RECQL5: variants seen among roughly 807,000 people sequenced by gnomAD.
RECQL5 encodes RecQ like helicase 5, also known as ATP-dependent DNA helicase Q5.
RECQL5 carries 88 observed loss-of-function variants against 103.4 expected under a neutral mutation model. The observed-to-expected ratio is 0.85, with a 90% CI of 0.72 to 1.02. The LOEUF is 1.02. RECQL5 is among the 50% of genes least tolerant of loss of function. The pLI, the probability that RECQL5 is intolerant of heterozygous loss-of-function variation, is 0.00. For missense variants in RECQL5, 1,232 were observed against 1,284.3 expected (o/e 0.96, Z 0.62); for synonymous variants, 552 against 507.9 (o/e 1.09, Z -1.17).
chr17:75,640,838 C>T lies in RECQL5; in HGVS notation c.1230-9170G>A, dbSNP rs986035859. 2 of 1,549,594 alleles carry T rather than the reference C, an allele frequency of 1.3e-6. No individual in the cohort carries two copies. The highest frequency in any genetic ancestry group is 1.4e-5 in the African/African-American group (1 of 73,068). ...GATAGCCTGCAGCTGCTGCTGCACT[C>T]ACTGCTGCTGCCCTGAGCGGAGAGG... On this transcript the variant is annotated intron_variant, in intron 8 of 19. Coordinates refer to ENST00000317905, the MANE Select transcript of RECQL5 (RefSeq NM_004259.7). The surrounding 1 kb of genome is among the most constrained non-coding windows in gnomAD (Gnocchi z 4.6).
At chr17:75,645,068 T>G (rs932738310) in intron 8 of RECQL5, among the ~76,000 whole-genome samples, 2 of 152,192 alleles carry the variant, frequency 1.3e-5, no homozygotes, top group Non-Finnish European at 2.9e-5. Flanking sequence ...AGTGTGGGCT[T>G]GCCAACCACA....
In RECQL5 at chr17:75,630,844, G is replaced by GTA. The variant is rs752469432; in HGVS notation, c.1586-8_1586-7insTA. 1.1e-5 allele frequency: 12 copies of GTA among 1,140,082 alleles called. No individual in the cohort carries two copies. The highest frequency in any genetic ancestry group is 6.2e-5 in the African/African-American group (4 of 64,078). 70.6% of individuals were successfully genotyped at this position (1,140,082 alleles called of 1,614,324 possible). A position where few individuals can be genotyped will look rare whatever the true frequency, so the allele number is the denominator to read the frequency against. On this transcript the variant is annotated splice_region_variant and splice_polypyrimidine_tract_variant and intron_variant, in intron 11 of 19. Coordinates refer to ENST00000317905, the MANE Select transcript of RECQL5 (RefSeq NM_004259.7). Reference sequence around the variant, plus strand: ...TTCAGGGGACAGTTCTCATCTGTGGGGGGGGGGGGTGGTCCTTGGTCCTTT... The same window carrying GTA: ...TTCAGGGGACAGTTCTCATCTGTGGGTAGGGGGGGGGTGGTCCTTGGTCCTTT...
intron 17 of RECQL5, 68 bp downstream of exon 17, chr17:75,628,604 G>A (rs2059147976): frequency 6.6e-7 from 1 of 1,520,444 alleles, no homozygotes; most frequent in Non-Finnish European, 8.8e-7. Flanking sequence ...CCTTGAGCAG[G>A]GCACAACAGC....
intron 8 of RECQL5, among the ~76,000 whole-genome samples, chr17:75,644,844 A>AT (rs1411311975): frequency 6.6e-6 from 1 of 151,694 alleles, no homozygotes; most frequent in African/African-American, 2.4e-5. Context: ...AAAAAAAAAA[A>AT]ATTATCCAAT....
intron 8 of RECQL5, 172 bp downstream of exon 8, chr17:75,651,014 A>C (rs550707582): frequency 6.6e-7 from 1 of 1,521,890 alleles, no homozygotes; most frequent in East Asian, 2.3e-5. Flanking sequence ...CGGGGCCTCC[A>C]ATAGAGAAGA....
chr17:75,645,668 C>G (rs895577099), intron 8 of RECQL5, among the ~76,000 whole-genome samples: 1 of 152,210 alleles, frequency 6.6e-6, no homozygotes, highest in Non-Finnish European at 1.5e-5. Context: ...CAGTAAGTTT[C>G]ACACAAGGAA....
rs1568277649 is a variant in RECQL5, at chr17:75,651,273, CA to C, written c.1150-9del. 1.2e-6 allele frequency: 2 copies of C among 1,613,562 alleles called. No homozygotes were observed. Among genetic ancestry groups the C allele is most frequent in the South Asian group, 1.1e-5 (1 of 91,024 alleles). On this transcript the variant is annotated splice_polypyrimidine_tract_variant and intron_variant, in intron 7 of 19. Transcript: ENST00000317905. ...TTTGTTTCCTCTCTTTTCCTGGGGA[CA>C]AAAAATGACCACTTAGCAAGTCTTA...
intron 8 of RECQL5, among the ~76,000 whole-genome samples, chr17:75,642,262 C>T (rs1599022681): frequency 6.6e-6 from 1 of 152,224 alleles, no homozygotes; most frequent in Non-Finnish European, 1.5e-5. Context: ...GGTGCCTCCC[C>T]GGGGCTTCCC....
Position 75,651,187 on chromosome 17 carries a change from C to A in RECQL5, c.1228G>T (p.Gly410Trp), listed in dbSNP as rs1347849780. 6.2e-7 allele frequency: 1 copy of A among 1,614,146 alleles called. No individual in the cohort carries two copies. The highest frequency in any genetic ancestry group is 2.2e-5 in the East Asian group (1 of 44,886). Reference protein sequence around the residue: ...DALVTFCEELGCRHAAIAKYF... With the variant: ...DALVTFCEELWCRHAAIAKYF... ...CCACATATAAAATAAGTCACTTACC[C>A]CAGTTCTTCACAGAAGGTCACCAGG... The change falls in exon 8 of 20, where the codon GGG becomes TGG. Residue 410 changes from glycine (G) to tryptophan (W), a missense_variant and splice_region_variant. By Grantham distance (184) the Gly-to-Trp change is radical (BLOSUM62 -2). Transcript: ENST00000317905.
intron 6 of RECQL5, among the ~76,000 whole-genome samples, chr17:75,659,021 A>C (rs766648411): frequency 6.6e-6 from 1 of 152,074 alleles, no homozygotes; most frequent in Non-Finnish European, 1.5e-5. Context: ...TCTTAACAAG[A>C]TACCACAGAC....
rs191555990 is a variant in RECQL5 at position 75,644,262 on chromosome 17, G to A, written c.1229+6924C>T. ...AGAGGTTGCAGTGAGCTGAGATCAC[G>A]CCACCGCACTCCAGCCTGAGCGACA... On this transcript the variant is annotated intron_variant, in intron 8 of 19. Transcript: ENST00000317905. Among the ~76,000 whole-genome samples, 235 of 151,820 alleles carry A rather than the reference G, an allele frequency of 1.5e-3. 2 individuals carry two copies. The Middle Eastern group carries it at 0.034, about 22-fold the overall frequency.
intron 8 of RECQL5, chr17:75,634,061 G>C: frequency 4.1e-6 from 4 of 985,652 alleles, no homozygotes; most frequent in Non-Finnish European, 4.8e-6. Context: ...AAGCCAGGCA[G>C]AGACAGCAGC....
At chr17:75,650,989 C>T (rs1487532949) in intron 8 of RECQL5, 197 bp downstream of exon 8, 1 of 1,503,134 alleles carries the variant, frequency 6.7e-7, no homozygotes, top group African/African-American at 1.4e-5. Flanking sequence ...CAAATCCCCA[C>T]ACTGCGAGAG....
Position 75,627,627 on chromosome 17 carries a change from C to T in RECQL5, c.2871G>A (p.Arg957=), listed in dbSNP as rs1296172705. The T allele has an allele frequency of 1.2e-6, 2 of 1,613,236 alleles. No homozygotes were observed. Among genetic ancestry groups the T allele is most frequent in the East Asian group, 2.2e-5 (1 of 44,852 alleles). ...HLLTQKTSPG[R]SVKEEAQNLI... is the part of the protein sequence containing the mutation. ...CCTGGCAATGCCAGCGCTCACCGCTCCTTCCAGGAGAGGTCTTCTGAGTCA... is the reference window on the plus strand; with the variant it reads ...CCTGGCAATGCCAGCGCTCACCGCTTCTTCCAGGAGAGGTCTTCTGAGTCA... Residue 957 remains arginine (R), a synonymous_variant, in exon 19 of 20, where the codon AGG becomes AGA. Transcript: ENST00000317905.
Position 75,664,525 on chromosome 17 carries a change from C to T in RECQL5, c.252+526G>A, listed in dbSNP as rs143848436. On this transcript the variant is annotated intron_variant, in intron 3 of 19. Transcript: ENST00000317905. ...GGTGAGGGACCTCAGAGGAGTCATT[C>T]ATAACCTCCCAGAGTGATATGCACC... Among the ~76,000 whole-genome samples the T allele has an allele frequency of 3.0e-3, 464 of 152,290 alleles. 3 individuals carry two copies. The East Asian group carries it at 0.057, about 19-fold the overall frequency.
In RECQL5 at chr17:75,627,496, T is replaced by G; in HGVS notation, c.2902A>C (p.Arg968=). ...SVKEEAQNLI[R]HFFHGRARCE... is the part of the protein sequence containing the mutation. The stretch of plus-strand genomic sequence containing the variant: ...CGGGCCCGGCCATGGAAGAAGTGCC[T>G]GATGAGGTTCTGGGCCTCTTCTTTC... The change falls in exon 20 of 20, where the codon AGG becomes CGG. Residue 968 remains arginine (R), a synonymous_variant. Transcript: ENST00000317905. 2 of 1,613,894 alleles carry G rather than the reference T, an allele frequency of 1.2e-6. No homozygotes were observed. Among genetic ancestry groups the G allele is most frequent in the Non-Finnish European group, 1.7e-6 (2 of 1,180,002 alleles).
At chr17:75,661,092 G>C (rs1295309489) in intron 5 of RECQL5, 26 bp from the exon 6 acceptor site, 2 of 1,579,018 alleles carry the variant, frequency 1.3e-6, no homozygotes, top group African/African-American at 2.7e-5. Context: ...AGATGGAGAA[G>C]GGAACTCACA....
chr17:75,646,655 T>C (rs930195407), intron 8 of RECQL5: 10 of 152,348 alleles, frequency 6.6e-5, no homozygotes, highest in Admixed American at 5.9e-4. Context: ...CTCTCAACAG[T>C]TGCTTCTTTG....
In RECQL5 at chr17:75,640,914, G is replaced by A; in HGVS notation, c.1230-9246C>T. ...CCACCATGACGGACGGGCGATGGCT[G>A]AGGAGAAGCTGGAGAGGAGATGGCC... On this transcript the variant is annotated intron_variant, in intron 8 of 19. Coordinates refer to ENST00000317905, the MANE Select transcript of RECQL5 (RefSeq NM_004259.7). The surrounding 1 kb of genome is among the most constrained non-coding windows in gnomAD (Gnocchi z 4.6). 6.5e-7 allele frequency: 1 copy of A among 1,540,486 alleles called. No homozygotes were observed.
Sources: gnomAD v4.1 joint callset for allele counts (sites outside exome capture counted in the v4.1 genomes callset) on GRCh38, gnomAD v4.1.1 for gene constraint, Gnocchi (gnomAD v3.1) non-coding constraint, MANE v1.5 for transcripts, NCBI Gene and HGNC (gene_info 2026-07-23, HGNC 2026-07-21) for gene names.